The following USP42 variants were observed in gnomAD, a reference collection of about 807,000 sequenced individuals.
USP42 encodes the protein ubiquitin specific peptidase 42.
In USP42, 23 loss-of-function variants were observed where a neutral mutation model predicts 113.0. The ratio of observed to expected loss-of-function variants is 0.20; its 90% CI spans 0.15 to 0.29. USP42 has a LOEUF of 0.29. Ranked by LOEUF, USP42 falls within the 10% of genes least tolerant of loss-of-function variation. The probability of loss-of-function intolerance (pLI) is 1.00; values close to 1 mark genes in which losing one functional copy is unlikely to be tolerated. For synonymous variants in USP42, 933 were observed against 699.0 expected, an observed-to-expected ratio of 1.33 and a Z score of -5.28; for missense variants, 2,174 against 1,779.8, an observed-to-expected ratio of 1.22 and a Z score of -3.99.
At chr7:6,142,266 G>C (rs138116066) in intron 7 of USP42, among the ~76,000 whole-genome samples, 3,491 of 149,836 alleles carry the variant, frequency 0.023, 128 homozygotes, top group African/African-American at 0.082. Flanking sequence ...ACCCAGGCTA[G>C]AGTGCAGTGG....
chr7:6,100,977 T>G (rs182448175), upstream of USP42, among the ~76,000 whole-genome samples: 1 of 151,108 alleles, frequency 6.6e-6, no homozygotes, highest in East Asian at 1.9e-4. Context: ...TGGTACCCAC[T>G]GTCTTAAACC....
chr7:6,143,014 A>G lies in USP42; in HGVS notation c.878A>G (p.Lys293Arg), dbSNP rs1261331869. 6.2e-7 allele frequency: 1 copy of G among 1,613,902 alleles called. No individual in the cohort carries two copies. Among genetic ancestry groups the G allele is most frequent in the Non-Finnish European group, 8.5e-7 (1 of 1,179,794 alleles). The part of the protein sequence containing the change: ...LDGENSYKCS[K>R]CKKMVPASKR... ...GGAGAAAACTCGTACAAGTGCAGCA[A>G]GTACGTTGGGTGGTGACTTGATTCT... The change falls in exon 8 of 18, where the codon AAG (lysine) becomes AGG (arginine). Residue 293 changes from lysine (K) to arginine (R), a missense_variant and splice_region_variant. Lys to Arg is a conservative substitution (Grantham distance 26, BLOSUM62 2). Coordinates refer to ENST00000306177, the MANE Select transcript of USP42 (RefSeq NM_032172.3).
chr7:6,143,068 C>A, intron 8 of USP42, 54 bp downstream of exon 8: 1 of 1,589,330 alleles, frequency 6.3e-7, no homozygotes, highest in South Asian at 1.1e-5. Context: ...TGGGGATGGC[C>A]GGCAGGCTTG....
rs1779345879 is a variant in USP42 at position 6,107,357 on chromosome 7, TA to T, written c.-10+2327del. The stretch of plus-strand genomic sequence containing the variant: ...AGTGTTACTGTAAATAAGGCTGGAT[TA>T]ACCTTTTCTTATATTTCTTACAACT... On this transcript the variant is annotated intron_variant, in intron 1 of 17. Transcript: ENST00000306177. 5.3e-5 allele frequency among the ~76,000 whole-genome samples: 8 copies of T among 152,038 alleles called. No individual in the cohort carries two copies. The South Asian group carries it at 1.7e-3, about 32-fold the overall frequency.
chr7:6,133,327 CA>C (rs1382219181), intron 3 of USP42, among the ~76,000 whole-genome samples: 1 of 152,132 alleles, frequency 6.6e-6, no homozygotes, highest in African/African-American at 2.4e-5. Flanking sequence ...TGATGTATAT[CA>C]GGGGCAACTT....
intron 2 of USP42, among the ~76,000 whole-genome samples, chr7:6,114,816 T>C (rs1199964124): frequency 6.8e-6 from 1 of 147,338 alleles, no homozygotes; most frequent in South Asian, 2.3e-4. Flanking sequence ...TTAGCCTCCC[T>C]AGTAGCTAGG....
chr7:6,132,547 C>G (rs903621247), intron 3 of USP42, among the ~76,000 whole-genome samples: 5 of 151,242 alleles, frequency 3.3e-5, no homozygotes, highest in African/African-American at 1.2e-4. Context: ...TTAGTAGAGA[C>G]AGGGTTTCAC....
the USP42 span, among the ~76,000 whole-genome samples, chr7:6,099,194 G>GC: frequency 7.0e-6 from 1 of 143,586 alleles, no homozygotes; most frequent in Non-Finnish European, 1.5e-5. Flanking sequence ...ATTGCCTGGA[G>GC]CCCCATTGTT....
At chr7:6,150,561 G>C (rs1781987274) in intron 14 of USP42, 55 bp downstream of exon 14, 16 of 1,436,470 alleles carry the variant, frequency 1.1e-5, no homozygotes, top group Non-Finnish European at 1.5e-5. Context: ...AAATCCAGTA[G>C]CCTCCAGATG....
At chr7:6,090,955 T>C in the USP42 span, among the ~76,000 whole-genome samples, 1 of 150,760 alleles carries the variant, frequency 6.6e-6, no homozygotes, top group African/African-American at 2.5e-5. Context: ...AGGAAGAATT[T>C]GTTAGGGATC....
At chr7:6,083,477 A>C in the USP42 span, among the ~76,000 whole-genome samples, 2 of 149,762 alleles carry the variant, frequency 1.3e-5, no homozygotes, top group African/African-American at 5.1e-5. Context: ...GCTGGTCTCA[A>C]ACTCCTGACC....
upstream of USP42, among the ~76,000 whole-genome samples, chr7:6,101,638 G>A (rs1411259227): frequency 6.6e-6 from 1 of 150,946 alleles, no homozygotes; most frequent in Non-Finnish European, 1.5e-5. Flanking sequence ...GTTTGCTAGA[G>A]TAAGTGGTGC....
chr7:6,095,640 G>C, the USP42 span, among the ~76,000 whole-genome samples: 1 of 151,192 alleles, frequency 6.6e-6, no homozygotes, highest in African/African-American at 2.5e-5. Flanking sequence ...CTGCACTCCA[G>C]CCTGGGCAAC....
chr7:6,142,856 C>A lies in USP42; in HGVS notation c.796-76C>A. 3 of 1,443,734 alleles carry A rather than the reference C, an allele frequency of 2.1e-6. No homozygotes were observed. In the South Asian group the frequency reaches 3.5e-5, roughly 17 times the overall value. 89.4% of individuals were successfully genotyped at this position (1,443,734 alleles called of 1,614,324 possible). A position where few individuals can be genotyped will look rare whatever the true frequency, so the allele number is the denominator to read the frequency against. On this transcript the variant is annotated intron_variant, in intron 7 of 17. Coordinates refer to ENST00000306177, the MANE Select transcript of USP42 (RefSeq NM_032172.3). ...CTGTGATTGTGCCACTGCACTCCAGCCTGGGTGGCAGGGCAAGACCCAAAC... is the reference window on the plus strand; with the variant it reads ...CTGTGATTGTGCCACTGCACTCCAGACTGGGTGGCAGGGCAAGACCCAAAC...
At chr7:6,160,142 G>A (rs1206427246) in intron 17 of USP42, among the ~76,000 whole-genome samples, 1 of 152,244 alleles carries the variant, frequency 6.6e-6, no homozygotes, top group East Asian at 1.9e-4. Context: ...AGGAAACTTT[G>A]TCCAAATGTG....
chr7:6,152,912 G>C, intron 14 of USP42: 2 of 985,366 alleles, frequency 2.0e-6, no homozygotes, highest in Non-Finnish European at 2.4e-6. Context: ...AGGGAGTCGA[G>C]AGGAAAGGAG....
intron 3 of USP42, among the ~76,000 whole-genome samples, chr7:6,128,741 TCTTG>T (rs773702254): frequency 6.6e-6 from 1 of 152,254 alleles, no homozygotes; most frequent in African/African-American, 2.4e-5. Context: ...GTCTGTGTTT[TCTTG>T]CTTCTCTGTG....
the USP42 span, among the ~76,000 whole-genome samples, chr7:6,088,165 A>C: frequency 1.3e-5 from 2 of 151,122 alleles, no homozygotes; most frequent in Non-Finnish European, 2.9e-5. Flanking sequence ...CCGGGTACTG[A>C]GCTATGATTG....
upstream of USP42, among the ~76,000 whole-genome samples, chr7:6,101,823 A>C (rs1467767718): frequency 6.6e-6 from 1 of 150,912 alleles, no homozygotes; most frequent in Non-Finnish European, 1.5e-5. Context: ...TCACGCCTGC[A>C]ATCCCAGCAC....
Sources: gnomAD v4.1 joint callset for allele counts (sites outside exome capture counted in the v4.1 genomes callset) on GRCh38, gnomAD v4.1.1 for gene constraint, MANE v1.5 for transcripts, NCBI Gene and HGNC (gene_info 2026-07-23, HGNC 2026-07-21) for gene names.